RTCB: variants seen among roughly 807,000 people sequenced by gnomAD.
The protein encoded by RTCB is RNA-splicing ligase RTCB.
In RTCB, 32 loss-of-function variants were observed where a neutral mutation model predicts 58.2. That is an observed-to-expected ratio of 0.55 (90% confidence interval 0.41 to 0.74). RTCB has a LOEUF of 0.74. Ranked by LOEUF, RTCB falls within the 30% of genes least tolerant of loss-of-function variation. The probability of loss-of-function intolerance (pLI) is 0.00; values close to 1 mark genes in which losing one functional copy is unlikely to be tolerated. For synonymous variants in RTCB, 247 were observed against 218.6 expected (o/e 1.13, Z -1.15); for missense variants, 523 against 639.0 (o/e 0.82, Z 1.96).
intron 1 of RTCB, among the ~76,000 whole-genome samples, chr22:32,410,712 T>TTTTTC (rs1173085365): frequency 3.0e-5 from 4 of 132,384 alleles, no homozygotes; most frequent in Non-Finnish European, 6.2e-5. Context: ...TGGTGTTTTC[T>TTTTTC]TTTTCTTTTC....
intron 11 of RTCB, among the ~76,000 whole-genome samples, chr22:32,391,419 G>A (rs908579645): frequency 1.6e-4 from 23 of 146,558 alleles, no homozygotes; most frequent in Admixed American, 2.7e-4. Flanking sequence ...TTTTTGAGAC[G>A]GAGTCTTACT....
At chr22:32,395,984 G>C in intron 8 of RTCB, 90 bp downstream of exon 8, 1 of 1,329,486 alleles carries the variant, frequency 7.5e-7, no homozygotes, top group Non-Finnish European at 1.1e-6. Context: ...ACAGGCATGA[G>C]CCACCGTGTC....
intron 11 of RTCB, among the ~76,000 whole-genome samples, chr22:32,391,671 G>A (rs544400882): frequency 9.4e-4 from 143 of 152,226 alleles, no homozygotes; most frequent in South Asian, 6.9e-3. Flanking sequence ...GATTACAGGC[G>A]TGAGCCACCA....
Position 32,408,379 on chromosome 22 carries a change from G to C in RTCB, c.173-137C>G, listed in dbSNP as rs1933463798. On this transcript the variant is annotated intron_variant, in intron 2 of 11. Coordinates refer to ENST00000216038, the MANE Select transcript of RTCB (RefSeq NM_014306.5). The stretch of plus-strand genomic sequence containing the variant: ...GACAACAAAGCCTAGAAGGATGTTT[G>C]AGATGCAAGATGGAAGGGAGCTCCT... 12 of 698,846 alleles carry C rather than the reference G, an allele frequency of 1.7e-5. No individual in the cohort carries two copies. In the South Asian group the frequency reaches 2.0e-4, roughly 12 times the overall value. 43.3% of individuals were successfully genotyped at this position (698,846 alleles called of 1,614,324 possible). A position where few individuals can be genotyped will look rare whatever the true frequency, so the allele number is the denominator to read the frequency against.
chr22:32,406,800 C>T (rs1437392433), intron 3 of RTCB, 39 bp from the exon 4 acceptor site: 2 of 1,408,900 alleles, frequency 1.4e-6, no homozygotes, highest in Non-Finnish European at 1.0e-6. Context: ...AGTGTCTTGA[C>T]CTGCTACCCT....
intron 7 of RTCB, among the ~76,000 whole-genome samples, chr22:32,397,539 C>T (rs770857281): frequency 3.3e-5 from 5 of 152,198 alleles, no homozygotes; most frequent in Non-Finnish European, 7.3e-5. Flanking sequence ...AATCCACCAT[C>T]ACATCTACTG....
intron 4 of RTCB, among the ~76,000 whole-genome samples, chr22:32,403,447 C>T (rs1293982093): frequency 1.3e-5 from 2 of 152,236 alleles, no homozygotes; most frequent in East Asian, 1.9e-4. Context: ...TTTAGGTGTA[C>T]ACAATGTACA....
At chr22:32,402,121 G>C (rs544264843) in intron 4 of RTCB, among the ~76,000 whole-genome samples, 2 of 152,318 alleles carry the variant, frequency 1.3e-5, no homozygotes, top group South Asian at 4.1e-4. Context: ...AAGGGAGGCA[G>C]CAATGAACAT....
chr22:32,412,095 C>A lies in RTCB; in HGVS notation c.62G>T (p.Arg21Met). ...GTTGGGCACGAAGCCCTTCTTGATC[C>A]TCCAGCAGTTTTTATTGATCTTCTC... is the stretch of plus-strand genomic sequence containing the variant. Reference protein sequence around the residue: ...FLEKINKNCWRIKKGFVPNMQ... With the variant: ...FLEKINKNCWMIKKGFVPNMQ... The change falls in exon 1 of 12, where the codon AGG (arginine) becomes ATG (methionine). Residue 21 changes from arginine to methionine, a missense_variant. By Grantham distance (91) the Arg-to-Met change is moderately conservative (BLOSUM62 -1). Transcript: ENST00000216038. The A allele has an allele frequency of 6.2e-7, 1 of 1,609,708 alleles. No homozygotes were observed. Among genetic ancestry groups the A allele is most frequent in the Non-Finnish European group, 8.5e-7 (1 of 1,179,042 alleles).
At chr22:32,411,935 G>T in intron 1 of RTCB, 129 bp downstream of exon 1, 2 of 658,846 alleles carry the variant, frequency 3.0e-6, no homozygotes, top group Non-Finnish European at 5.1e-6. Context: ...GGAGAAGGAC[G>T]GGATGAGGGA....
intron 3 of RTCB, 69 bp downstream of exon 3, chr22:32,408,106 G>C: frequency 3.7e-6 from 5 of 1,355,598 alleles, no homozygotes; most frequent in Non-Finnish European, 5.3e-6. Context: ...CCACTATCAG[G>C]CATGGCCATT....
chr22:32,401,149 A>G (rs1933329527), intron 5 of RTCB, among the ~76,000 whole-genome samples: 1 of 148,984 alleles, frequency 6.7e-6, no homozygotes, highest in Non-Finnish European at 1.5e-5. Flanking sequence ...GCTGGGGTGC[A>G]GTACTGAGAT....
intron 1 of RTCB, among the ~76,000 whole-genome samples, chr22:32,410,802 A>G (rs947418136): frequency 8.0e-5 from 12 of 150,920 alleles, no homozygotes; most frequent in African/African-American, 2.9e-4. Flanking sequence ...TGCAGCCAAG[A>G]TCTCCCAGGC....
At chr22:32,406,581 A>G (rs1320926818) in intron 4 of RTCB, 81 bp downstream of exon 4, 40 of 929,252 alleles carry the variant, frequency 4.3e-5, no homozygotes, top group Non-Finnish European at 6.1e-5. Context: ...TCGGCCTCCC[A>G]AAGTGCTGGG....
At chr22:32,394,328 G>C (rs1401018868) in intron 9 of RTCB, among the ~76,000 whole-genome samples, 4 of 152,020 alleles carry the variant, frequency 2.6e-5, no homozygotes, top group Non-Finnish European at 5.9e-5. Flanking sequence ...AGCCAGGATG[G>C]TCTCGATCTC....
chr22:32,389,071 C>T (rs532633972), intron 11 of RTCB, among the ~76,000 whole-genome samples: 36 of 152,138 alleles, frequency 2.4e-4, no homozygotes, highest in Non-Finnish European at 3.8e-4. Context: ...TCTATTCTCC[C>T]GTTCTCCCTA....
chr22:32,409,772 A>G (rs936507351), intron 1 of RTCB, among the ~76,000 whole-genome samples: 1 of 151,758 alleles, frequency 6.6e-6, no homozygotes, highest in Non-Finnish European at 1.5e-5. Flanking sequence ...AGAATATAAG[A>G]TCTTCCTTTC....
rs754866721 is a variant in RTCB at position 32,388,094 on chromosome 22, A to G, written c.1416T>C (p.Pro472=). ...ASPKLVMEEA[P]ESYKNVTDVV... The stretch of plus-strand genomic sequence containing the variant: ...CATCTGTCACATTCTTATAGGACTC[A>G]GGAGCCTGCAGGAGAGGAATTTAAA... Residue 472 remains proline (P), a synonymous_variant, in exon 12 of 12, where the codon CCT becomes CCC. Transcript: ENST00000216038. The G allele has an allele frequency of 5.0e-6, 8 of 1,595,430 alleles. No individual in the cohort carries two copies. In the South Asian group the frequency reaches 8.8e-5, roughly 18 times the overall value.
intron 5 of RTCB, 152 bp downstream of exon 5, chr22:32,401,595 C>T: frequency 1.3e-6 from 1 of 757,730 alleles, no homozygotes; most frequent in South Asian, 2.2e-5. Flanking sequence ...AATAAATGGG[C>T]TGTACCTCAT....
Sources: gnomAD v4.1 joint callset for allele counts (sites outside exome capture counted in the v4.1 genomes callset) on GRCh38, gnomAD v4.1.1 for gene constraint, MANE v1.5 for transcripts, NCBI Gene and HGNC (gene_info 2026-07-23, HGNC 2026-07-21) for gene names.